Variants in FHIP2A observed in about 807,000 individuals in gnomAD.
The protein encoded by FHIP2A is FHF complex subunit HOOK interacting protein 2A.
In FHIP2A, 46 loss-of-function variants were observed where a neutral mutation model predicts 93.5. The ratio of observed to expected loss-of-function variants is 0.49; its 90% CI spans 0.39 to 0.63. FHIP2A has a LOEUF of 0.63. Among genes scored for constraint, FHIP2A ranks in the 20% least tolerant of loss-of-function variants. The pLI is 0.00. For synonymous variants in FHIP2A, 332 were observed against 326.5 expected, an observed-to-expected ratio of 1.02 and a Z score of -0.18; for missense variants, 769 against 909.7, an observed-to-expected ratio of 0.85 and a Z score of 1.99.
At chr10:114,828,978 A>G (rs4752268) in intron 1 of FHIP2A, among the ~76,000 whole-genome samples, 11,115 of 152,230 alleles carry the variant, frequency 0.073, 820 homozygotes, top group African/African-American at 0.17. Context: ...AATTTGGACA[A>G]TAGTTCGGAA....
At chr10:114,893,699 G>T (rs566685646) in intron 16 of FHIP2A, among the ~76,000 whole-genome samples, 1 of 152,156 alleles carries the variant, frequency 6.6e-6, no homozygotes, top group South Asian at 2.1e-4. Flanking sequence ...GTGTGTGTGT[G>T]TCCGTCCCTG....
rs138353797 is a variant in FHIP2A, at chr10:114,897,124, A to G, written c.2193-2366A>G. On this transcript the variant is annotated intron_variant, in intron 16 of 16. Coordinates refer to the FHIP2A transcript ENST00000369250. ...CTGGCATGCTTATACTGGTCCAAGC[A>G]AGCATTAGGTCATAGCCTGTTCCTC... 5.9e-5 allele frequency among the ~76,000 whole-genome samples: 9 copies of G among 152,362 alleles called. No homozygotes were observed. In the East Asian group the frequency reaches 1.7e-3, roughly 29 times the overall value.
At chr10:114,875,404 GA>G (rs1566383910) in intron 16 of FHIP2A, among the ~76,000 whole-genome samples, 3 of 152,142 alleles carry the variant, frequency 2.0e-5, no homozygotes, top group Admixed American at 6.5e-5. Context: ...AGTAAGAAAG[GA>G]ACATGGGACC....
chr10:114,884,197 G>C lies in FHIP2A; in HGVS notation c.2193-15293G>C, dbSNP rs78736910. ...GATTCTGGTATAATGAGGAGAATGA[G>C]GGAGATGGGATGTGTATAAAGGCAG... is the stretch of plus-strand genomic sequence containing the variant. On this transcript the variant is annotated intron_variant, in intron 16 of 16. Transcript: ENST00000369250. 3.5e-3 allele frequency among the ~76,000 whole-genome samples: 526 copies of C among 152,254 alleles called. 1 individual carries two copies. Among genetic ancestry groups the C allele is most frequent in the African/African-American group, 0.012 (519 of 41,552 alleles).
chr10:114,842,971 T>G lies in FHIP2A; in HGVS notation c.561T>G (p.Asn187Lys). The change falls in exon 6 of 17, where the codon AAT becomes AAG. Residue 187 changes from asparagine to lysine, a missense_variant. Physicochemically the swap from Asn to Lys is moderately conservative, Grantham distance 94 (BLOSUM62 0). Transcript: ENST00000369248. ...CATTGGCTTCCAAAGGAGTACCAAA[T>G]GTAATTTCAGAAGATACATTAAAAG... Reference protein sequence around the residue: ...MKSLASKGVPNVISEDTLKGQ... With the variant: ...MKSLASKGVPKVISEDTLKGQ... 6.2e-7 allele frequency: 1 copy of G among 1,610,376 alleles called. No individual in the cohort carries two copies. The highest frequency in any genetic ancestry group is 8.5e-7 in the Non-Finnish European group (1 of 1,176,970).
intron 2 of FHIP2A, 87 bp from the exon 3 acceptor site, chr10:114,833,146 T>C: frequency 2.0e-6 from 2 of 1,025,502 alleles, no homozygotes; most frequent in South Asian, 3.3e-5. Flanking sequence ...TCAGTTTGAA[T>C]AGGAAAAGGG....
chr10:114,833,432 G>A, intron 3 of FHIP2A, 30 bp downstream of exon 3: 1 of 1,592,632 alleles, frequency 6.3e-7, no homozygotes. Flanking sequence ...CATGTTCTTG[G>A]GCATTAGTAC....
At chr10:114,839,663 G>A (rs1331223647) in intron 5 of FHIP2A, among the ~76,000 whole-genome samples, 1 of 151,884 alleles carries the variant, frequency 6.6e-6, no homozygotes, top group East Asian at 1.9e-4. Flanking sequence ...CAGATCATAA[G>A]GTCAGGAGAT....
chr10:114,890,384 T>C (rs1348914980), intron 16 of FHIP2A, among the ~76,000 whole-genome samples: 2 of 151,526 alleles, frequency 1.3e-5, no homozygotes, highest in Non-Finnish European at 2.9e-5. Context: ...ATACCTTTGA[T>C]TGTGTGAGTC....
intron 16 of FHIP2A, among the ~76,000 whole-genome samples, chr10:114,875,557 A>G (rs2083880647): frequency 6.6e-6 from 1 of 152,078 alleles, no homozygotes; most frequent in Non-Finnish European, 1.5e-5. Flanking sequence ...ATAGCTGGGC[A>G]TGATGGCGGG....
intron 13 of FHIP2A, among the ~76,000 whole-genome samples, chr10:114,849,558 G>T (rs56263937): frequency 6.6e-6 from 1 of 152,024 alleles, no homozygotes; most frequent in Non-Finnish European, 1.5e-5. Context: ...ATTTTACATC[G>T]TAAGATTTTA....
intron 7 of FHIP2A, among the ~76,000 whole-genome samples, chr10:114,844,151 T>C (rs2083686564): frequency 6.6e-6 from 1 of 152,220 alleles, no homozygotes; most frequent in South Asian, 2.1e-4. Context: ...TATTTTTATT[T>C]TGTCCATTTT....
rs760669756 is a variant in FHIP2A at position 114,833,252 on chromosome 10, C to G, written c.144C>G (p.Thr48=). The G allele has an allele frequency of 6.2e-7, 1 of 1,608,838 alleles. No homozygotes were observed. Among genetic ancestry groups the G allele is most frequent in the Non-Finnish European group, 8.5e-7 (1 of 1,177,888 alleles). ...IETSDDKAPV[T]DTNIPSHLEQ... is the part of the protein sequence containing the mutation. ...GTTTAGATGATAAAGCCCCAGTGACCGATACAAATATTCCATCGCATCTGG... is the reference window on the plus strand; with the variant it reads ...GTTTAGATGATAAAGCCCCAGTGACGGATACAAATATTCCATCGCATCTGG... Residue 48 remains threonine (T), a synonymous_variant, in exon 3 of 17, where the codon ACC becomes ACG. Transcript: ENST00000369248.
intron 5 of FHIP2A, among the ~76,000 whole-genome samples, chr10:114,838,491 T>C (rs1219940494): frequency 6.6e-6 from 1 of 152,024 alleles, no homozygotes; most frequent in African/African-American, 2.4e-5. Flanking sequence ...AGATTTATAA[T>C]GATATTAGAA....
At chr10:114,895,595 C>A (rs2083997226) in intron 16 of FHIP2A, among the ~76,000 whole-genome samples, 1 of 152,118 alleles carries the variant, frequency 6.6e-6, no homozygotes, top group South Asian at 2.1e-4. Context: ...CCATTCAGAT[C>A]TCATTCTAAT....
At chr10:114,892,568 G>C (rs2083980582) in intron 16 of FHIP2A, among the ~76,000 whole-genome samples, 1 of 152,122 alleles carries the variant, frequency 6.6e-6, no homozygotes. Flanking sequence ...AACCCGGGAG[G>C]AGGAGGTTGC....
intron 16 of FHIP2A, among the ~76,000 whole-genome samples, chr10:114,894,963 C>G (rs1054917685): frequency 5.9e-4 from 90 of 152,208 alleles, no homozygotes; most frequent in African/African-American, 2.1e-3. Context: ...ATTTCTAGCA[C>G]TGAGAATGCA....
intron 1 of FHIP2A, among the ~76,000 whole-genome samples, chr10:114,826,694 T>TA (rs1340165000): frequency 1.3e-5 from 2 of 151,990 alleles, no homozygotes; most frequent in Non-Finnish European, 2.9e-5. Flanking sequence ...AAGAAGCATT[T>TA]AAAAAATCTG....
intron 5 of FHIP2A, among the ~76,000 whole-genome samples, chr10:114,838,732 G>A (rs2083650515): frequency 6.6e-6 from 1 of 152,260 alleles, no homozygotes; most frequent in East Asian, 1.9e-4. Context: ...GTAGGCTTAT[G>A]TATGTTCATG....
Sources: allele counts gnomAD v4.1 joint callset (sites outside exome capture counted in the v4.1 genomes callset), GRCh38; gene constraint gnomAD v4.1.1; transcripts MANE v1.5; gene names NCBI Gene and HGNC (gene_info 2026-07-23, HGNC 2026-07-21).